JMJD1C: variants seen among roughly 807,000 people sequenced by gnomAD.
JMJD1C encodes jumonji domain containing 1C, also known as jumonji domain-containing protein 1C.
A neutral mutation model predicts 245.3 loss-of-function variants in JMJD1C; 31 were observed. That is an observed-to-expected ratio of 0.13 (90% CI 0.09 to 0.17). JMJD1C has a LOEUF of 0.17. JMJD1C is among the 10% of genes least tolerant of loss of function. The pLI, the probability that JMJD1C is intolerant of heterozygous loss-of-function variation, is 1.00. For missense variants in JMJD1C, 2,691 were observed against 3,000.2 expected, an observed-to-expected ratio of 0.90 and a Z score of 2.41; for synonymous variants, 1,057 against 1,017.4, an observed-to-expected ratio of 1.04 and a Z score of -0.74.
At chr10:63,516,086 AT>A (rs1449581494) in intron 1 of JMJD1C, among the ~76,000 whole-genome samples, 2 of 151,730 alleles carry the variant, frequency 1.3e-5, no homozygotes, top group African/African-American at 4.8e-5. Flanking sequence ...ACCTATCAGA[AT>A]TTTTTTTCTT....
At chr10:63,234,515 A>C (rs1331271761) in intron 3 of JMJD1C, among the ~76,000 whole-genome samples, 3 of 149,848 alleles carry the variant, frequency 2.0e-5, no homozygotes, top group Middle Eastern at 3.4e-3. Context: ...AAAAAAAAAA[A>C]AAAAAACACC....
At chr10:63,487,701 C>A (rs1374583669) in intron 1 of JMJD1C, among the ~76,000 whole-genome samples, 1 of 152,138 alleles carries the variant, frequency 6.6e-6, no homozygotes, top group African/African-American at 2.4e-5. Context: ...CCTGACAGAT[C>A]AATGAGGGGG....
At chr10:63,461,876 G>T (rs116759503) in intron 1 of JMJD1C, among the ~76,000 whole-genome samples, 28 of 152,234 alleles carry the variant, frequency 1.8e-4, no homozygotes, top group African/African-American at 6.7e-4. Context: ...AAATGGAAGC[G>T]AAGTTAAACA....
chr10:63,423,536 CTTTA>C (rs1273788568), intron 1 of JMJD1C, among the ~76,000 whole-genome samples: 1 of 152,212 alleles, frequency 6.6e-6, no homozygotes, highest in Non-Finnish European at 1.5e-5. Context: ...AGCCACCTCA[CTTTA>C]TTTATCAATT....
At chr10:63,368,635 G>A (rs1244399991) in intron 2 of JMJD1C, among the ~76,000 whole-genome samples, 1 of 152,140 alleles carries the variant, frequency 6.6e-6, no homozygotes, top group African/African-American at 2.4e-5. Flanking sequence ...AACACACTAT[G>A]GCATAACAAG....
At chr10:63,384,691 G>C (rs1295015979) in intron 1 of JMJD1C, among the ~76,000 whole-genome samples, 1 of 152,120 alleles carries the variant, frequency 6.6e-6, no homozygotes, top group Non-Finnish European at 1.5e-5. Flanking sequence ...TAATTCTTAG[G>C]GGCCCTAGGA....
intron 1 of JMJD1C, among the ~76,000 whole-genome samples, chr10:63,437,022 C>T (rs1422135793): frequency 1.3e-5 from 2 of 152,134 alleles, no homozygotes; most frequent in African/African-American, 4.8e-5. Flanking sequence ...AATGTAAAAT[C>T]CTAGGTCTAT....
chr10:63,248,523 T>C (rs971570302), intron 3 of JMJD1C, among the ~76,000 whole-genome samples: 2 of 120,926 alleles, frequency 1.7e-5, no homozygotes, highest in African/African-American at 3.4e-5. Flanking sequence ...CTCATCTCAA[T>C]AGATAGATAA....
At chr10:63,270,506 GC>G (rs1373724476) in intron 2 of JMJD1C, among the ~76,000 whole-genome samples, 1 of 150,892 alleles carries the variant, frequency 6.6e-6, no homozygotes, top group East Asian at 1.9e-4. Flanking sequence ...TTGCTCTGTT[GC>G]CCAGGCTAGA....
chr10:63,484,983 A>G (rs976052046), intron 1 of JMJD1C, among the ~76,000 whole-genome samples: 4 of 151,930 alleles, frequency 2.6e-5, no homozygotes, highest in Non-Finnish European at 5.9e-5. Flanking sequence ...GGAGGAGTGA[A>G]TTAGGATTTG....
chr10:63,216,537 C>T (rs10822147), intron 5 of JMJD1C, among the ~76,000 whole-genome samples: 100,731 of 151,590 alleles, frequency 0.66, 36,083 homozygotes, highest in Non-Finnish European at 0.81. Context: ...GGCGAAACCC[C>T]GTATCTACTA....
At chr10:63,261,236 T>C (rs1321866330) in intron 3 of JMJD1C, among the ~76,000 whole-genome samples, 1 of 152,138 alleles carries the variant, frequency 6.6e-6, no homozygotes, top group Non-Finnish European at 1.5e-5. Context: ...TACTAAAAAC[T>C]ATAATATATA....
At chr10:63,381,694 A>G (rs1306966771) in intron 1 of JMJD1C, among the ~76,000 whole-genome samples, 1 of 152,230 alleles carries the variant, frequency 6.6e-6, no homozygotes, top group Non-Finnish European at 1.5e-5. Context: ...GGACATTAAC[A>G]AATTCATTCT....
At chr10:63,219,074 A>G (rs1848310914) in intron 4 of JMJD1C, among the ~76,000 whole-genome samples, 2 of 152,110 alleles carry the variant, frequency 1.3e-5, no homozygotes, top group Admixed American at 1.3e-4. Flanking sequence ...AGGTGAATGA[A>G]AGTTCACTGA....
At chr10:63,444,492 C>T (rs926186407) in intron 1 of JMJD1C, among the ~76,000 whole-genome samples, 8 of 151,994 alleles carry the variant, frequency 5.3e-5, no homozygotes, top group East Asian at 3.9e-4. Flanking sequence ...CAGGCTGGTC[C>T]TGAACTCCTG....
chr10:63,394,187 CA>C (rs35007475), intron 1 of JMJD1C, among the ~76,000 whole-genome samples: 176 of 80,114 alleles, frequency 2.2e-3, no homozygotes, highest in Middle Eastern at 6.7e-3. Flanking sequence ...ACTCCGTCTC[CA>C]AAAAAAAAAA....
chr10:63,353,689 T>C (rs1432510955), intron 2 of JMJD1C, among the ~76,000 whole-genome samples: 3 of 150,070 alleles, frequency 2.0e-5, no homozygotes, highest in East Asian at 4.0e-4. Context: ...TTATTTTTAG[T>C]AGAGATGGGG....
At chr10:63,420,007 G>A (rs766930385) in intron 1 of JMJD1C, among the ~76,000 whole-genome samples, 8 of 151,674 alleles carry the variant, frequency 5.3e-5, no homozygotes, top group South Asian at 4.2e-4. Context: ...ATGATGGCGC[G>A]CGCCTGGAGT....
At chr10:63,370,561 T>C (rs1427640698) in intron 2 of JMJD1C, among the ~76,000 whole-genome samples, 1 of 152,218 alleles carries the variant, frequency 6.6e-6, no homozygotes, top group Non-Finnish European at 1.5e-5. Flanking sequence ...CCTTCCTTGA[T>C]AACTGCTATT....
Sources: gnomAD v4.1 joint callset for allele counts (sites outside exome capture counted in the v4.1 genomes callset) on GRCh38, gnomAD v4.1.1 for gene constraint, MANE v1.5 for transcripts, NCBI Gene and HGNC (gene_info 2026-07-23, HGNC 2026-07-21) for gene names.